Variants in PACC1 observed in about 807,000 individuals in gnomAD.
PACC1 encodes the protein proton-activated chloride channel.
PACC1 carries 34 observed loss-of-function variants against 39.7 expected under a neutral mutation model. That is an observed-to-expected ratio of 0.86 (90% CI 0.65 to 1.14). PACC1 has a LOEUF of 1.14. PACC1 is among the 50% of genes most tolerant of loss of function. The pLI, the probability that PACC1 is intolerant of heterozygous loss-of-function variation, is 0.00. For synonymous variants in PACC1, 127 were observed against 160.6 expected (o/e 0.79, Z 1.58); for missense variants, 379 against 436.4 (o/e 0.87, Z 1.17).
intron 4 of PACC1, among the ~76,000 whole-genome samples, chr1:212,380,745 C>A (rs909172650): frequency 1.3e-5 from 2 of 152,168 alleles, no homozygotes; most frequent in African/African-American, 4.8e-5. Flanking sequence ...AGTACTGTGC[C>A]ACTTTGATTC....
chr1:212,365,406 A>C (rs747838186), intron 7 of PACC1, 30 bp from the exon 8 acceptor site: 39 of 1,511,416 alleles, frequency 2.6e-5, no homozygotes, highest in Non-Finnish European at 3.5e-5. Flanking sequence ...AAACAGGATT[A>C]CTGGTTTGCT....
At position 212,365,095 on chromosome 1, in the gene PACC1, C is replaced by T; in HGVS notation, c.*120G>A. 2 of 1,031,386 alleles carry T rather than the reference C, an allele frequency of 1.9e-6. No homozygotes were observed. The highest frequency in any genetic ancestry group is 2.7e-6 in the Non-Finnish European group (2 of 732,066). 63.9% of individuals were successfully genotyped at this position (1,031,386 alleles called of 1,614,324 possible). On this transcript the variant is annotated 3_prime_UTR_variant, in exon 8 of 8. Transcript: ENST00000261455. ...GAAGTTCCAGTTTTACATGCTGTTC[C>T]TCCCAGCAAGGCCCCATTTCTTCAA... is the stretch of plus-strand genomic sequence containing the variant.
intron 6 of PACC1, among the ~76,000 whole-genome samples, chr1:212,376,622 T>C (rs2102479057): frequency 6.6e-6 from 1 of 152,332 alleles, no homozygotes; most frequent in South Asian, 2.1e-4. Context: ...ACAGTTATCT[T>C]ACAAAACAGG....
chr1:212,400,067 A>C (rs1240086444), intron 2 of PACC1, among the ~76,000 whole-genome samples: 1 of 152,028 alleles, frequency 6.6e-6, no homozygotes, highest in Non-Finnish European at 1.5e-5. Context: ...GCTGGTCTCA[A>C]ACTCCTGACC....
chr1:212,396,924 C>A (rs940138842), intron 2 of PACC1, among the ~76,000 whole-genome samples: 4 of 151,872 alleles, frequency 2.6e-5, no homozygotes, highest in African/African-American at 9.7e-5. Context: ...GACAATGGAA[C>A]ATCTTCAAAT....
At chr1:212,389,737 G>T (rs1470602394) in intron 2 of PACC1, among the ~76,000 whole-genome samples, 2 of 152,188 alleles carry the variant, frequency 1.3e-5, no homozygotes, top group Non-Finnish European at 2.9e-5. Flanking sequence ...TTTCAGTTTT[G>T]CAGGATGAAA....
chr1:212,384,131 A>G (rs1473724079), intron 4 of PACC1, among the ~76,000 whole-genome samples: 2 of 152,110 alleles, frequency 1.3e-5, no homozygotes, highest in Admixed American at 1.3e-4. Flanking sequence ...AATCTGGCCC[A>G]AGCTGTTTTT....
chr1:212,365,342 A>G lies in PACC1; in HGVS notation c.926T>C (p.Leu309Pro). 6.2e-7 allele frequency: 1 copy of G among 1,613,062 alleles called. No homozygotes were observed. Among genetic ancestry groups the G allele is most frequent in the Non-Finnish European group, 8.5e-7 (1 of 1,179,626 alleles). Reference sequence around the variant, plus strand: ...TAATGCCAAGAAGGCGCCACAGAGAAGAGCAATTGTGTTCCAAGGATTGGC... The same window carrying G: ...TAATGCCAAGAAGGCGCCACAGAGAGGAGCAATTGTGTTCCAAGGATTGGC... ...VTANPWNTIA[L>P]LCGAFLALFK... The change falls in exon 8 of 8, where the codon CTT (leucine) becomes CCT (proline). Residue 309 changes from leucine to proline, a missense_variant. Transcript: ENST00000261455.
chr1:212,396,204 T>C (rs1661509836), intron 2 of PACC1, among the ~76,000 whole-genome samples: 1 of 152,146 alleles, frequency 6.6e-6, no homozygotes, highest in South Asian at 2.1e-4. Flanking sequence ...CCAACAATGA[T>C]AGACTGGATT....
In PACC1 at chr1:212,381,770, G is replaced by GACACAGTGACACACACACACACACAC. The variant is rs1553281060; in HGVS notation, c.496-1734_496-1733insGTGTGTGTGTGTGTGTGTCACTGTGT. Among the ~76,000 whole-genome samples the GACACAGTGACACACACACACACACAC allele has an allele frequency of 2.2e-3, 255 of 118,132 alleles. 6 individuals carry two copies. The highest frequency in any genetic ancestry group is 8.5e-3 in the African/African-American group (237 of 27,762). The allele number at this position is 118,132 out of a possible 152,430, so 77.5% of individuals were successfully genotyped here. ...AACAATGCCCAGGGGACAGCACAGT[G>GACACAGTGACACACACACACACACAC]ACACACACACACACACACACACACA... On this transcript the variant is annotated intron_variant, in intron 4 of 7. Coordinates refer to ENST00000261455, the MANE Select transcript of PACC1 (RefSeq NM_018252.3).
chr1:212,384,034 G>A (rs1456137306), intron 4 of PACC1, among the ~76,000 whole-genome samples: 2 of 152,174 alleles, frequency 1.3e-5, no homozygotes, highest in South Asian at 2.1e-4. Context: ...CAAGCTGGGG[G>A]TTTGGAAGGA....
At chr1:212,371,175 G>A (rs1346691938) in intron 7 of PACC1, among the ~76,000 whole-genome samples, 3 of 150,266 alleles carry the variant, frequency 2.0e-5, no homozygotes, top group African/African-American at 4.9e-5. Flanking sequence ...AACCCAGGAG[G>A]CGTAGGCTGC....
chr1:212,381,587 C>T (rs11590242), intron 4 of PACC1, among the ~76,000 whole-genome samples: 25,176 of 151,720 alleles, frequency 0.17, 2,537 homozygotes, highest in South Asian at 0.3. Flanking sequence ...TCCTAATGTG[C>T]GAAAGAAAAG....
rs1270901580 is a variant in PACC1, at chr1:212,371,589, A to AAATTCT, written c.891+3598_891+3603dup. ...CCCAGCACCTGATGGCTTCGTTGCT[A>AAATTCT]AATTCTATCTAACATTAAAAAAAAA... is the stretch of plus-strand genomic sequence containing the variant. On this transcript the variant is annotated intron_variant, in intron 7 of 7. Coordinates refer to ENST00000261455, the MANE Select transcript of PACC1 (RefSeq NM_018252.3). Among the ~76,000 whole-genome samples the AAATTCT allele has an allele frequency of 6.8e-5, 10 of 147,458 alleles. No individual in the cohort carries two copies. The East Asian group carries it at 1.9e-3, about 28-fold the overall frequency.
intron 1 of PACC1, chr1:212,413,908 C>T: frequency 6.5e-7 from 1 of 1,534,406 alleles, no homozygotes; most frequent in African/African-American, 1.4e-5. Flanking sequence ...CTGGAACTGC[C>T]TGACTTTGGC....
At chr1:212,375,997 T>G (rs1287255675) in intron 6 of PACC1, among the ~76,000 whole-genome samples, 1 of 152,222 alleles carries the variant, frequency 6.6e-6, no homozygotes, top group Admixed American at 6.5e-5. Context: ...GATCAAGTAT[T>G]TCTCTGAATT....
chr1:212,380,161 C>G (rs1446250671), intron 4 of PACC1, 124 bp from the exon 5 acceptor site: 11 of 1,004,978 alleles, frequency 1.1e-5, no homozygotes, highest in South Asian at 4.9e-5. Context: ...AAAGGGACCA[C>G]TAGCCAACAA....
rs60948830 is a variant in PACC1, at chr1:212,396,798, ATCTATC to A, written c.134-9704_134-9699del. ...CTTGAAGGCAGTGAGGGAAAAAAAT[ATCTATC>A]TATCTATCTATCTATCTATCTATCT... On this transcript the variant is annotated intron_variant, in intron 2 of 7. Transcript: ENST00000261455. Among the ~76,000 whole-genome samples, 17 of 968 alleles carry A rather than the reference ATCTATC, an allele frequency of 0.018. No individual in the cohort carries two copies. In the East Asian group the frequency reaches 0.26, roughly 15 times the overall value. The allele number at this position is 968 out of a possible 152,430, so 0.6% of individuals were successfully genotyped here.
rs1660905011 is a variant in PACC1, at chr1:212,381,782, C to CACAA, written c.496-1746_496-1745insTTGT. ...GGGACAGCACAGTGACACACACACACACACACACACACACTGCCCACATGG... is the reference window on the plus strand; with the variant it reads ...GGGACAGCACAGTGACACACACACACACAAACACACACACACACTGCCCACATGG... On this transcript the variant is annotated intron_variant, in intron 4 of 7. Coordinates refer to ENST00000261455, the MANE Select transcript of PACC1 (RefSeq NM_018252.3). 4.6e-5 allele frequency among the ~76,000 whole-genome samples: 7 copies of CACAA among 150,938 alleles called. 1 individual carries two copies. In the South Asian group the frequency reaches 1.5e-3, roughly 32 times the overall value.
Sources: allele counts gnomAD v4.1 joint callset (sites outside exome capture counted in the v4.1 genomes callset), GRCh38; gene constraint gnomAD v4.1.1; transcripts MANE v1.5; gene names NCBI Gene and HGNC (gene_info 2026-07-23, HGNC 2026-07-21).